SYTL4: variants seen among roughly 807,000 people sequenced by gnomAD.
The protein encoded by SYTL4 is synaptotagmin like 4, also known as synaptotagmin-like protein 4.
Under a neutral mutation model 52.7 loss-of-function variants are expected in SYTL4, and 16 were observed. The observed-to-expected ratio is 0.30, with a 90% CI of 0.21 to 0.46. The LOEUF is 0.46. Among genes scored for constraint, SYTL4 ranks in the 20% least tolerant of loss-of-function variants. SYTL4 has a pLI of 1.00. For missense variants in SYTL4, 423 were observed against 519.9 expected, an observed-to-expected ratio of 0.81 and a Z score of 1.81; for synonymous variants, 160 against 186.6, an observed-to-expected ratio of 0.86 and a Z score of 1.16.
intron 2 of SYTL4, among the ~76,000 whole-genome samples, chrX:100,714,328 T>C (rs1161514897): frequency 1.4e-4 from 15 of 108,606 alleles, no homozygotes; most frequent in Admixed American, 2.9e-4. Context: ...GGCACGATCT[T>C]GGCTCACTGC....
In SYTL4 at chrX:100,690,090, T is replaced by C. The variant is rs747878078; in HGVS notation, c.793A>G (p.Ile265Val). 5 of 1,208,461 alleles carry C rather than the reference T, an allele frequency of 4.1e-6. No homozygotes were observed. The highest frequency in any genetic ancestry group is 5.6e-6 in the Non-Finnish European group (5 of 894,173). The change falls in exon 11 of 20, where the codon ATC (isoleucine) becomes GTC (valine). Residue 265 changes from isoleucine (I) to valine (V), a missense_variant. By Grantham distance (29) the Ile-to-Val change is conservative. Coordinates refer to ENST00000372989, the MANE Select transcript of SYTL4 (RefSeq NM_001370165.1). ...AACCAGTTACCTGAAGGCCTGAGGA[T>C]TTTTCTGGTGTTCTTCTTAAATATC... is the stretch of plus-strand genomic sequence containing the variant. The part of the protein sequence containing the change: ...EMIFKKNTRK[I>V]LRPSEYTKSV...
intron 2 of SYTL4, among the ~76,000 whole-genome samples, chrX:100,723,044 C>CA (rs764914896): frequency 2.3e-3 from 217 of 96,090 alleles, no homozygotes; most frequent in East Asian, 8.0e-3. Context: ...TTTGAAACAG[C>CA]AAAAAAAAAA....
chrX:100,716,556 A>G (rs1302363295), intron 2 of SYTL4, among the ~76,000 whole-genome samples: 1 of 106,201 alleles, frequency 9.4e-6, no homozygotes, highest in East Asian at 2.9e-4. Context: ...TAAAAAAAAA[A>G]AAAAAAAAAA....
rs2083469105 is a variant in SYTL4 at position 100,686,116 on chromosome X, G to A, written c.1323C>T (p.Thr441=). 3 of 1,208,096 alleles carry A rather than the reference G, an allele frequency of 2.5e-6. No homozygotes were observed. Among genetic ancestry groups the A allele is most frequent in the Non-Finnish European group, 3.4e-6 (3 of 894,372 alleles). ...CATGATGCCAAACTGAGAACTGCAG[G>A]GTCCTCTGGGCCAGGAGAGATTCTG... ...EIPESLLAQR[T]LQFSVWHHGR... Residue 441 remains threonine, a synonymous_variant, in exon 16 of 20, where the codon ACC becomes ACT. Coordinates refer to ENST00000372989, the MANE Select transcript of SYTL4 (RefSeq NM_001370165.1).
chrX:100,710,759 T>C (rs1602875632), intron 2 of SYTL4, among the ~76,000 whole-genome samples: 1 of 112,155 alleles, frequency 8.9e-6, no homozygotes, highest in Non-Finnish European at 1.9e-5. Flanking sequence ...TAGAGCCTAG[T>C]GAACTCCCTG....
intron 2 of SYTL4, among the ~76,000 whole-genome samples, chrX:100,713,276 T>C (rs1037366861): frequency 2.7e-5 from 3 of 111,524 alleles, no homozygotes; most frequent in African/African-American, 9.8e-5. Context: ...AAACCCCGTC[T>C]CTACTAAAAA....
rs911315376 is a variant in SYTL4, at chrX:100,679,168, G to T, written c.1658+145C>A. The T allele has an allele frequency of 1.5e-5, 7 of 465,724 alleles. No homozygotes were observed. In the African/African-American group the frequency reaches 1.7e-4, roughly 11 times the overall value. The allele number at this position is 465,724 out of a possible 1,213,427, so 38.4% of individuals were successfully genotyped here. A position where few individuals can be genotyped will look rare whatever the true frequency, so the allele number is the denominator to read the frequency against. ...CCAGACCAGTGCAAAGGTGGTGAAGGTTTTGTCATTACCTAATTTCAGGAA... is the reference window on the plus strand; with the variant it reads ...CCAGACCAGTGCAAAGGTGGTGAAGTTTTTGTCATTACCTAATTTCAGGAA... On this transcript the variant is annotated intron_variant, in intron 18 of 19. Transcript: ENST00000372989.
At chrX:100,704,651 A>C (rs1042987073) in intron 3 of SYTL4, among the ~76,000 whole-genome samples, 160 bp downstream of exon 3, 3 of 112,068 alleles carry the variant, frequency 2.7e-5, no homozygotes, top group Non-Finnish European at 5.6e-5. Context: ...TTAGTGTTGC[A>C]TACTTGATAT....
intron 2 of SYTL4, among the ~76,000 whole-genome samples, chrX:100,722,145 T>C (rs755762708): frequency 9.0e-6 from 1 of 111,567 alleles, no homozygotes; most frequent in Non-Finnish European, 1.9e-5. Flanking sequence ...TCCTCAATAA[T>C]GCATAATTTC....
chrX:100,688,980 A>G (rs1034213946), intron 12 of SYTL4, among the ~76,000 whole-genome samples: 1 of 111,596 alleles, frequency 9.0e-6, no homozygotes, highest in African/African-American at 3.3e-5. Context: ...CATAGAAGCT[A>G]TAACTCTTTT....
Position 100,674,532 on chromosome X carries a change from CA to C in SYTL4, c.*1495del, listed in dbSNP as rs1178379593. 4 of 112,239 alleles carry C rather than the reference CA, an allele frequency of 3.6e-5. No individual in the cohort carries two copies. Among genetic ancestry groups the C allele is most frequent in the Admixed American group, 9.5e-5 (1 of 10,573 alleles). The allele number at this position is 112,239 out of a possible 1,213,427, so 9.2% of individuals were successfully genotyped here. A position where few individuals can be genotyped will look rare whatever the true frequency, so the allele number is the denominator to read the frequency against. On this transcript the variant is annotated 3_prime_UTR_variant, in exon 20 of 20. Transcript: ENST00000372989. Reference sequence around the variant, plus strand: ...GCTTTATTAAAGCACACATACATGTCAGGGGGGTGGGAAACAAAAGAGCAAG... The same window carrying C: ...GCTTTATTAAAGCACACATACATGTCGGGGGGTGGGAAACAAAAGAGCAAG...
In SYTL4 at chrX:100,701,467, G is replaced by A. The variant is rs1436858943; in HGVS notation, c.317C>T (p.Ala106Val). ...CATAGGTGACACTCACATTTCCTTG[G>A]CGCACACCTTGCACCTCCAGGTACC... ...SNGTWRCKVCAKEIELKKATG... is the reference protein window; with the variant it reads ...SNGTWRCKVCVKEIELKKATG... The change falls in exon 6 of 20, where the codon GCC (alanine) becomes GTC (valine). Residue 106 changes from alanine to valine, a missense_variant. Coordinates refer to ENST00000372989, the MANE Select transcript of SYTL4 (RefSeq NM_001370165.1). 2 of 1,210,993 alleles carry A rather than the reference G, an allele frequency of 1.7e-6. No homozygotes were observed. Among genetic ancestry groups the A allele is most frequent in the Admixed American group, 2.2e-5 (1 of 46,075 alleles).
chrX:100,701,853 G>C (rs2083860797), intron 5 of SYTL4, 75 bp downstream of exon 5: 2 of 887,559 alleles, frequency 2.3e-6, no homozygotes, highest in Non-Finnish European at 3.2e-6. Flanking sequence ...TGAAAGTCAG[G>C]TGGGAGACAT....
intron 8 of SYTL4, among the ~76,000 whole-genome samples, chrX:100,695,758 T>C (rs897778336): frequency 8.9e-6 from 1 of 112,107 alleles, no homozygotes; most frequent in Non-Finnish European, 1.9e-5. Context: ...AACGTGACAT[T>C]TTGACAAATG....
rs767254640 is a variant in SYTL4 at position 100,701,280 on chromosome X, G to C, written c.376C>G (p.Arg126Gly). The change falls in exon 7 of 20, where the codon CGC (arginine) becomes GGC (glycine). Residue 126 changes from arginine to glycine, a missense_variant. Coordinates refer to ENST00000372989, the MANE Select transcript of SYTL4 (RefSeq NM_001370165.1). ...GDWFYDQKVN[R>G]FAYRTGSEII... ...TCACTACCTGTGCGGTAAGCAAAGC[G>C]ATTCACTTTCTGGTCATAAAACCAG... 2.5e-6 allele frequency: 3 copies of C among 1,211,656 alleles called. No individual in the cohort carries two copies. Among genetic ancestry groups the C allele is most frequent in the Non-Finnish European group, 3.4e-6 (3 of 895,278 alleles).
chrX:100,698,249 CCT>C (rs2083750943), intron 8 of SYTL4, among the ~76,000 whole-genome samples: 1 of 109,479 alleles, frequency 9.1e-6, no homozygotes, highest in Non-Finnish European at 1.9e-5. Flanking sequence ...ACTACAGGCG[CCT>C]GCCACCACGC....
intron 8 of SYTL4, among the ~76,000 whole-genome samples, chrX:100,698,364 A>G (rs747197854): frequency 5.8e-4 from 65 of 111,844 alleles, no homozygotes; most frequent in Non-Finnish European, 1.1e-3. Flanking sequence ...CGGCCTCCCA[A>G]AGTGCTGGGA....
At chrX:100,709,967 T>C (rs917716890) in intron 2 of SYTL4, among the ~76,000 whole-genome samples, 2 of 111,811 alleles carry the variant, frequency 1.8e-5, no homozygotes, top group African/African-American at 3.3e-5. Flanking sequence ...GATGAATTTA[T>C]AGTGATTAAT....
intron 15 of SYTL4, 87 bp from the exon 16 acceptor site, chrX:100,686,238 G>A: frequency 3.2e-6 from 3 of 927,597 alleles, no homozygotes; most frequent in Non-Finnish European, 4.4e-6. Flanking sequence ...AACCATTCCT[G>A]AAGTCACTAG....
Sources: allele counts gnomAD v4.1 joint callset (sites outside exome capture counted in the v4.1 genomes callset), GRCh38; gene constraint gnomAD v4.1.1; transcripts MANE v1.5; gene names NCBI Gene and HGNC (gene_info 2026-07-23, HGNC 2026-07-21).